Variants in LIMK1 observed in about 807,000 individuals in gnomAD.
The protein encoded by LIMK1 is LIM domain kinase 1, also known as LIM motif-containing protein kinase.
LIMK1 carries 21 observed loss-of-function variants against 77.6 expected under a neutral mutation model. That is an observed-to-expected ratio of 0.27 (90% confidence interval 0.19 to 0.39). LIMK1 has a LOEUF of 0.39. LIMK1 is among the 10% of genes least tolerant of loss of function. The pLI is 1.00. For missense variants in LIMK1, 696 were observed against 901.6 expected, an observed-to-expected ratio of 0.77 and a Z score of 2.92; for synonymous variants, 358 against 370.0, an observed-to-expected ratio of 0.97 and a Z score of 0.37.
At chr7:74,087,030 G>A (rs1554694165) in intron 2 of LIMK1, among the ~76,000 whole-genome samples, 1 of 152,176 alleles carries the variant, frequency 6.6e-6, no homozygotes, top group Non-Finnish European at 1.5e-5. Context: ...TGAGAAGCCA[G>A]GAGCAGGGGT....
chr7:74,105,249 C>T lies in LIMK1; in HGVS notation c.609-626C>T, dbSNP rs528084628. ...GATTACAGGTGTGAGCCACTGCGCC[C>T]GGCCAGTCCTAGCCCTTTGGGAGGC... On this transcript the variant is annotated intron_variant, in intron 5 of 15. Coordinates refer to ENST00000336180, the MANE Select transcript of LIMK1 (RefSeq NM_002314.4). 4.3e-4 allele frequency among the ~76,000 whole-genome samples: 65 copies of T among 152,294 alleles called. No individual in the cohort carries two copies. In the Middle Eastern group the frequency reaches 0.034, roughly 80 times the overall value.
intron 1 of LIMK1, among the ~76,000 whole-genome samples, chr7:74,085,354 A>G (rs1205602146): frequency 6.6e-6 from 1 of 152,222 alleles, no homozygotes; most frequent in African/African-American, 2.4e-5. Flanking sequence ...GGGCCCTCTT[A>G]GTACTTCTTC....
intron 5 of LIMK1, among the ~76,000 whole-genome samples, 164 bp from the exon 6 acceptor site, chr7:74,105,711 T>C (rs1260024351): frequency 1.3e-5 from 2 of 151,980 alleles, no homozygotes; most frequent in Non-Finnish European, 2.9e-5. Flanking sequence ...ACAGAATTCC[T>C]CCCCTGAAAC....
At chr7:74,109,435 C>T in intron 10 of LIMK1, 1 of 265,550 alleles carries the variant, frequency 3.8e-6, no homozygotes, top group Non-Finnish European at 7.5e-6. Context: ...AAATAAAGTG[C>T]TCAGGCCAGG....
chr7:74,102,600 C>T, intron 5 of LIMK1, among the ~76,000 whole-genome samples: 1 of 150,396 alleles, frequency 6.6e-6, no homozygotes, highest in Non-Finnish European at 1.5e-5. Context: ...CCTCCCACCT[C>T]TGCCTCCCAA....
intron 2 of LIMK1, among the ~76,000 whole-genome samples, chr7:74,095,177 C>T (rs1799314547): frequency 6.6e-6 from 1 of 152,168 alleles, no homozygotes; most frequent in African/African-American, 2.4e-5. Flanking sequence ...TCCCTCATCT[C>T]ATCCAGGTCC....
At chr7:74,098,985 A>G in intron 4 of LIMK1, 47 bp from the exon 5 acceptor site, 1 of 1,485,386 alleles carries the variant, frequency 6.7e-7, no homozygotes, top group Non-Finnish European at 9.3e-7. Flanking sequence ...GCTGAAATTG[A>G]TGACGCCCTT....
chr7:74,107,139 G>A lies in LIMK1; in HGVS notation c.1011G>A (p.Ser337=), dbSNP rs149587131. The A allele has an allele frequency of 1.8e-4, 297 of 1,613,074 alleles. No individual in the cohort carries two copies. In the African/African-American group the frequency reaches 3.1e-3, roughly 17 times the overall value. ...GGCCACACCGCATCTTCCGGCCGTC[G>A]GACCTCATCCACGGGGAGGTGCTGG... ...VCRPHRIFRP[S]DLIHGEVLGK... is the part of the protein sequence containing the mutation. The change falls in exon 8 of 16, where the codon TCG becomes TCA. Residue 337 remains serine (S), a synonymous_variant. Coordinates refer to ENST00000336180, the MANE Select transcript of LIMK1 (RefSeq NM_002314.4).
rs117913652 is a variant in LIMK1 at position 74,098,095 on chromosome 7, G to A, written c.401+906G>A. On this transcript the variant is annotated intron_variant, in intron 4 of 15. Transcript: ENST00000336180. The stretch of plus-strand genomic sequence containing the variant: ...GTTTTTATTGGGATTTCATTACATC[G>A]TCATGACTGATTGAGTCATTGGCCG... Among the ~76,000 whole-genome samples, 178 of 152,148 alleles carry A rather than the reference G, an allele frequency of 1.2e-3. 2 individuals are homozygous for A. In the East Asian group the frequency reaches 0.028, roughly 24 times the overall value.
rs1799559922 is a variant in LIMK1, at chr7:74,105,878, G to A, written c.612G>A (p.Val204=). The change falls in exon 6 of 16, where the codon GTG becomes GTA. Residue 204 remains valine, a synonymous_variant. Transcript: ENST00000336180. ...EHSHTVRVQG[V]DPGCMSPDVK... Reference sequence around the variant, plus strand: ...CTGACCCCTGCCTTACCCACAGAGTGGATCCGGGCTGCATGAGCCCAGATG... The same window carrying A: ...CTGACCCCTGCCTTACCCACAGAGTAGATCCGGGCTGCATGAGCCCAGATG... 1 of 1,613,008 alleles carries A rather than the reference G, an allele frequency of 6.2e-7. No individual in the cohort carries two copies.
At chr7:74,093,114 C>A (rs1216302493) in intron 2 of LIMK1, 15 of 1,427,476 alleles carry the variant, frequency 1.1e-5, no homozygotes, top group Non-Finnish European at 1.3e-5. Flanking sequence ...CAGCCTCCTC[C>A]TGTGCGCTGC....
At chr7:74,100,950 G>A (rs1799447462) in intron 5 of LIMK1, among the ~76,000 whole-genome samples, 3 of 148,384 alleles carry the variant, frequency 2.0e-5, no homozygotes, top group African/African-American at 7.5e-5. Flanking sequence ...TATTAGGCAG[G>A]ATGGTCTCGA....
intron 4 of LIMK1, 40 bp downstream of exon 4, chr7:74,097,229 C>T: frequency 1.5e-6 from 2 of 1,340,962 alleles, no homozygotes; most frequent in Non-Finnish European, 2.1e-6. Context: ...GGAGGCCCAC[C>T]TGTGTCACAG....
chr7:74,085,495 C>T (rs1799117947), intron 1 of LIMK1, among the ~76,000 whole-genome samples: 1 of 152,232 alleles, frequency 6.6e-6, no homozygotes, highest in South Asian at 2.1e-4. Context: ...TGGACCTGAT[C>T]CTCCTCCTAA....
intron 5 of LIMK1, among the ~76,000 whole-genome samples, 190 bp downstream of exon 5, chr7:74,099,428 A>C (rs1359617792): frequency 6.6e-6 from 1 of 152,230 alleles, no homozygotes; most frequent in Non-Finnish European, 1.5e-5. Flanking sequence ...CAAATGCCAG[A>C]TACAATAAAA....
chr7:74,086,044 A>G (rs1241094861), intron 2 of LIMK1, among the ~76,000 whole-genome samples, 200 bp downstream of exon 2: 2 of 152,056 alleles, frequency 1.3e-5, no homozygotes, highest in Admixed American at 1.3e-4. Flanking sequence ...CATTTTATTT[A>G]TCTATTTTTT....
At chr7:74,101,234 C>G (rs1463739892) in intron 5 of LIMK1, among the ~76,000 whole-genome samples, 3 of 152,160 alleles carry the variant, frequency 2.0e-5, no homozygotes, top group Non-Finnish European at 4.4e-5. Context: ...CAGACAGCTG[C>G]TTGAAAGAGA....
intron 5 of LIMK1, among the ~76,000 whole-genome samples, chr7:74,102,485 T>TC (rs1554696734): frequency 1.7e-5 from 1 of 60,556 alleles, no homozygotes; most frequent in South Asian, 7.9e-4. Flanking sequence ...GGACCTTCTC[T>TC]TTTTTTTTTT....
intron 5 of LIMK1, 66 bp downstream of exon 5, chr7:74,099,304 C>T (rs1799408115): frequency 6.7e-7 from 1 of 1,487,960 alleles, no homozygotes; most frequent in African/African-American, 1.4e-5. Flanking sequence ...GTGGCAGAGT[C>T]TGGCACTGGG....
Sources: gnomAD v4.1 joint callset for allele counts (sites outside exome capture counted in the v4.1 genomes callset) on GRCh38, gnomAD v4.1.1 for gene constraint, MANE v1.5 for transcripts, NCBI Gene and HGNC (gene_info 2026-07-23, HGNC 2026-07-21) for gene names.